GOLGA3: variants seen among roughly 807,000 people sequenced by gnomAD.
GOLGA3 encodes the protein golgin subfamily A member 3.
In GOLGA3, 75 loss-of-function variants were observed where a neutral mutation model predicts 169.4. The ratio of observed to expected loss-of-function variants is 0.44; its 90% CI spans 0.37 to 0.54. GOLGA3 has a LOEUF of 0.54. Among genes scored for constraint, GOLGA3 ranks in the 20% least tolerant of loss-of-function variants. The pLI, the probability that GOLGA3 is intolerant of heterozygous loss-of-function variation, is 0.00. For missense variants in GOLGA3, 1,899 were observed against 1,930.0 expected (o/e 0.98, Z 0.30); for synonymous variants, 824 against 822.4 (o/e 1.00, Z -0.03).
chr12:132,773,412 G>A (rs1272791242), intron 23 of GOLGA3, 118 bp from the exon 24 acceptor site: 16 of 560,094 alleles, frequency 2.9e-5, no homozygotes, highest in East Asian at 2.2e-4. Context: ...TCGGGGATCC[G>A]CAAACCAACT....
intron 4 of GOLGA3, among the ~76,000 whole-genome samples, chr12:132,811,037 C>A (rs2136648636): frequency 6.6e-6 from 1 of 152,352 alleles, no homozygotes; most frequent in East Asian, 1.9e-4. Context: ...AGCTGCCAGG[C>A]AGGGGAGGGC....
chr12:132,775,411 C>A, intron 21 of GOLGA3, 106 bp from the exon 22 acceptor site: 1 of 984,266 alleles, frequency 1.0e-6, no homozygotes, highest in Non-Finnish European at 1.5e-6. Flanking sequence ...TCCTCCTCGG[C>A]GCCATCTAGA....
chr12:132,816,525 G>A lies in GOLGA3; in HGVS notation c.406+15C>T, dbSNP rs200650471. The A allele has an allele frequency of 1.1e-5, 18 of 1,607,814 alleles. No individual in the cohort carries two copies. Among genetic ancestry groups the A allele is most frequent in the Non-Finnish European group, 1.5e-5 (18 of 1,175,260 alleles). On this transcript the variant is annotated intron_variant, in intron 3 of 23. Transcript: ENST00000450791. Reference sequence around the variant, plus strand: ...GGACGTGGAGGGTGGGAAAAGCGGGGTAACGGATGCTTACACAGTTGCGTT... The same window carrying A: ...GGACGTGGAGGGTGGGAAAAGCGGGATAACGGATGCTTACACAGTTGCGTT...
At chr12:132,773,430 CAGAAG>C in intron 23 of GOLGA3, 136 bp from the exon 24 acceptor site, 1 of 520,742 alleles carries the variant, frequency 1.9e-6, no homozygotes, top group South Asian at 2.7e-5. Flanking sequence ...ACTGAGACCA[CAGAAG>C]CTCAGCTGTT....
intron 4 of GOLGA3, chr12:132,811,949 TGCAGTGAACCGAGATCGCTCCAGCCTGG>T (rs1401437690): frequency 1.4e-5 from 2 of 147,916 alleles, no homozygotes; most frequent in Non-Finnish European, 2.4e-5. Context: ...AGGTGGAGGT[TGCAGTGAACCGAGATCGCTCCAGCCTGG>T]GCAACAGAGT....
At position 132,769,042 on chromosome 12, in the gene GOLGA3, C is replaced by T. The variant is rs1054733553; in HGVS notation, c.*4063G>A. ...ACGGTGACCCCTTTCCCAAGAACAG[C>T]CACAACTTGAGGACTCTCTTTTGTG... On this transcript the variant is annotated 3_prime_UTR_variant, in exon 24 of 24. Transcript: ENST00000450791. The T allele has an allele frequency of 1.3e-5, 2 of 152,652 alleles. No homozygotes were observed. The highest frequency in any genetic ancestry group is 1.3e-4 in the Admixed American group (2 of 15,278). 9.5% of individuals were successfully genotyped at this position (152,652 alleles called of 1,614,324 possible). A position where few individuals can be genotyped will look rare whatever the true frequency, so the allele number is the denominator to read the frequency against.
In GOLGA3 at chr12:132,786,741, T is replaced by C. The variant is rs370767206; in HGVS notation, c.2858A>G (p.Asn953Ser). Reference sequence around the variant, plus strand: ...TTCGATTTGTTTCTTCAGCGCCTCATTGGCCTCTGTGACCGCGACCATCTG... The same window carrying C: ...TTCGATTTGTTTCTTCAGCGCCTCACTGGCCTCTGTGACCGCGACCATCTG... ...KEQMVAVTEA[N>S]EALKKQIEEL... Residue 953 changes from asparagine (N) to serine (S), a missense_variant, in exon 14 of 24, where the codon AAT (asparagine) becomes AGT (serine). Transcript: ENST00000450791. 1.5e-5 allele frequency: 24 copies of C among 1,609,732 alleles called. No homozygotes were observed. The highest frequency in any genetic ancestry group is 1.1e-4 in the African/African-American group (8 of 74,094).
At chr12:132,802,035 C>T (rs1346375001) in intron 7 of GOLGA3, 66 bp from the exon 8 acceptor site, 39 of 1,265,500 alleles carry the variant, frequency 3.1e-5, no homozygotes, top group African/African-American at 7.3e-5. Context: ...CAGCTCCGCG[C>T]GTGCGGGACA....
At position 132,775,106 on chromosome 12, in the gene GOLGA3, G is replaced by A. The variant is rs201908593; in HGVS notation, c.4143+35C>T. ...CTGTCCGAGAGCATCTACAGCGCAC[G>A]TCGGCTACCCCGGGAGGGACGCGGG... On this transcript the variant is annotated intron_variant, in intron 22 of 23. Coordinates refer to ENST00000450791, the MANE Select transcript of GOLGA3 (RefSeq NM_001389683.1). The A allele has an allele frequency of 2.2e-4, 348 of 1,593,060 alleles. 1 individual carries two copies. Among genetic ancestry groups the A allele is most frequent in the African/African-American group, 9.4e-5 (7 of 74,286 alleles).
At chr12:132,782,628 G>C in intron 16 of GOLGA3, 135 bp from the exon 17 acceptor site, 1 of 711,636 alleles carries the variant, frequency 1.4e-6, no homozygotes, top group Middle Eastern at 2.4e-4. Context: ...TGTAATCACA[G>C]CACATTGGGA....
chr12:132,825,627 GTGAGCT>G, intron 1 of GOLGA3: 1 of 701,924 alleles, frequency 1.4e-6, no homozygotes, highest in Non-Finnish European at 2.6e-6. Context: ...TGAAACATCT[GTGAGCT>G]TCAGTTCCAA....
chr12:132,820,192 A>G (rs374758274), intron 2 of GOLGA3, among the ~76,000 whole-genome samples: 53 of 151,520 alleles, frequency 3.5e-4, no homozygotes, highest in African/African-American at 1.3e-3. Context: ...AAAAAAAATC[A>G]GCTAGGCGTG....
chr12:132,783,820 C>T, intron 16 of GOLGA3: 1 of 1,065,914 alleles, frequency 9.4e-7, no homozygotes, highest in Non-Finnish European at 1.3e-6. Flanking sequence ...TCATGATCCG[C>T]CCACCTCAGC....
chr12:132,793,017 C>T (rs56969214), intron 11 of GOLGA3, among the ~76,000 whole-genome samples: 7,747 of 62,044 alleles, frequency 0.12, 971 homozygotes, highest in Admixed American at 0.17. Flanking sequence ...GCACGGGACC[C>T]GCACTCGGAG....
At chr12:132,784,066 C>G (rs762946616) in intron 16 of GOLGA3, 98 bp downstream of exon 16, 9 of 1,567,072 alleles carry the variant, frequency 5.7e-6, no homozygotes, top group Non-Finnish European at 7.7e-6. Context: ...GCTGGGCACA[C>G]GGTGAAGTTT....
At chr12:132,798,289 G>A (rs377321572) in intron 9 of GOLGA3, 51 bp downstream of exon 9, 131 of 1,526,128 alleles carry the variant, frequency 8.6e-5, no homozygotes, top group Non-Finnish European at 1.1e-4. Flanking sequence ...ACATGGTATC[G>A]ATGTCTGCGT....
intron 13 of GOLGA3, 88 bp downstream of exon 13, chr12:132,788,939 G>A (rs2046074923): frequency 9.8e-7 from 1 of 1,018,780 alleles, no homozygotes; most frequent in Non-Finnish European, 1.4e-6. Flanking sequence ...CCAGACACAG[G>A]CCCCGCCCCA....
rs554716111 is a variant in GOLGA3 at position 132,786,825 on chromosome 12, C to T, written c.2812-38G>A. The T allele has an allele frequency of 2.9e-6, 4 of 1,359,160 alleles. No homozygotes were observed. In the East Asian group the frequency reaches 9.2e-5, roughly 31 times the overall value. 84.2% of individuals were successfully genotyped at this position (1,359,160 alleles called of 1,614,324 possible). Reference sequence around the variant, plus strand: ...AGGAGGGCGTGAGGAGCGGCACTGCCACCCCCAGCCTGTCTCCCCTTCCTG... The same window carrying T: ...AGGAGGGCGTGAGGAGCGGCACTGCTACCCCCAGCCTGTCTCCCCTTCCTG... On this transcript the variant is annotated intron_variant, in intron 13 of 23. Transcript: ENST00000450791.
Position 132,821,873 on chromosome 12 carries a change from A to G in GOLGA3, c.133+123T>C, listed in dbSNP as rs975139726. 8.9e-5 allele frequency: 58 copies of G among 655,020 alleles called. 1 individual carries two copies. Among genetic ancestry groups the G allele is most frequent in the Middle Eastern group, 5.2e-4 (2 of 3,870 alleles). The allele number at this position is 655,020 out of a possible 1,614,324, so 40.6% of individuals were successfully genotyped here. A position where few individuals can be genotyped will look rare whatever the true frequency, so the allele number is the denominator to read the frequency against. On this transcript the variant is annotated intron_variant, in intron 2 of 23. Transcript: ENST00000450791. ...CGTCTCAAAAAAAAAAAAAAAAAAA[A>G]ACAACTTTGAATTAAGTGAAAAGCT...
Sources: gnomAD v4.1 joint callset for allele counts (sites outside exome capture counted in the v4.1 genomes callset) on GRCh38, gnomAD v4.1.1 for gene constraint, MANE v1.5 for transcripts, NCBI Gene and HGNC (gene_info 2026-07-23, HGNC 2026-07-21) for gene names.